Variants in CNTNAP5 observed in about 807,000 individuals in gnomAD.
CNTNAP5 encodes the protein contactin-associated protein-like 5.
In CNTNAP5, 72 loss-of-function variants were observed where a neutral mutation model predicts 150.2. That is an observed-to-expected ratio of 0.48 (90% confidence interval 0.40 to 0.58). The LOEUF (loss-of-function observed/expected upper bound fraction) is 0.58, where lower values mean the gene tolerates loss of function less well. Ranked by LOEUF, CNTNAP5 falls within the 20% of genes least tolerant of loss-of-function variation. The pLI is 0.00. For missense variants in CNTNAP5, 1,636 were observed against 1,626.2 expected, an observed-to-expected ratio of 1.01 and a Z score of -0.10; for synonymous variants, 672 against 619.8, an observed-to-expected ratio of 1.08 and a Z score of -1.25.
At chr2:124,255,574 TAA>T (rs1558821598) in intron 3 of CNTNAP5, among the ~76,000 whole-genome samples, 124 of 47,440 alleles carry the variant, frequency 2.6e-3, no homozygotes, top group African/African-American at 4.7e-3. Context: ...TAAAATAAAA[TAA>T]AATAAAATAA....
intron 11 of CNTNAP5, among the ~76,000 whole-genome samples, chr2:124,575,853 A>T (rs1039940421): frequency 8.5e-5 from 13 of 152,224 alleles, no homozygotes; most frequent in Non-Finnish European, 4.4e-5. Context: ...CTTGAAATAT[A>T]CTTATATCCA....
intron 1 of CNTNAP5, among the ~76,000 whole-genome samples, chr2:124,140,149 A>G (rs1210270929): frequency 1.2e-4 from 18 of 151,168 alleles, no homozygotes; most frequent in South Asian, 1.1e-3. Flanking sequence ...CACCCACGGA[A>G]TCTCGCTGAT....
intron 12 of CNTNAP5, among the ~76,000 whole-genome samples, chr2:124,634,928 T>C (rs920831183): frequency 6.6e-6 from 1 of 152,274 alleles, no homozygotes; most frequent in East Asian, 1.9e-4. Flanking sequence ...TGCACCTTCC[T>C]GTAGTCTTCT....
At chr2:124,372,846 C>G (rs1412127824) in intron 3 of CNTNAP5, among the ~76,000 whole-genome samples, 1 of 152,096 alleles carries the variant, frequency 6.6e-6, no homozygotes, top group Non-Finnish European at 1.5e-5. Flanking sequence ...GGACGAAGCA[C>G]TAACTATGTG....
intron 11 of CNTNAP5, among the ~76,000 whole-genome samples, chr2:124,605,678 C>T (rs945163253): frequency 1.3e-5 from 2 of 150,934 alleles, no homozygotes; most frequent in East Asian, 2.0e-4. Flanking sequence ...TAGCCAGATG[C>T]GGTGGTGTGT....
At chr2:124,885,289 A>C (rs1558813251) in intron 21 of CNTNAP5, among the ~76,000 whole-genome samples, 1 of 151,940 alleles carries the variant, frequency 6.6e-6, no homozygotes, top group South Asian at 2.1e-4. Context: ...CCCTTACTTA[A>C]AGTCAACTGA....
At chr2:124,858,798 A>G (rs1677441800) in intron 19 of CNTNAP5, among the ~76,000 whole-genome samples, 1 of 152,236 alleles carries the variant, frequency 6.6e-6, no homozygotes, top group Non-Finnish European at 1.5e-5. Context: ...GCAAAGTAAG[A>G]GCAAATCAAA....
In CNTNAP5 at chr2:124,185,962, C is replaced by T. The variant is rs1024061622; in HGVS notation, c.83-35743C>T. ...TGTTTACTTGTTAGCATAGGACATA[C>T]GTGTATACTCCTATAAATAAGATAA... On this transcript the variant is annotated intron_variant, in intron 1 of 23. Transcript: ENST00000682447. Among the ~76,000 whole-genome samples, 6 of 152,180 alleles carry T rather than the reference C, an allele frequency of 3.9e-5. No individual in the cohort carries two copies. The East Asian group carries it at 9.6e-4, about 24-fold the overall frequency.
At chr2:124,405,358 A>G (rs923853527) in intron 3 of CNTNAP5, among the ~76,000 whole-genome samples, 16 of 152,306 alleles carry the variant, frequency 1.1e-4, no homozygotes, top group Middle Eastern at 3.4e-3. Flanking sequence ...ATACATGCAA[A>G]GAGCCTAGCA....
chr2:124,613,506 T>C (rs1677431033), intron 12 of CNTNAP5, among the ~76,000 whole-genome samples: 1 of 152,192 alleles, frequency 6.6e-6, no homozygotes, highest in Non-Finnish European at 1.5e-5. Flanking sequence ...TCTGAGCTTT[T>C]CTTTGAGGTT....
chr2:124,656,450 T>C (rs184090624), intron 13 of CNTNAP5, among the ~76,000 whole-genome samples: 4 of 152,344 alleles, frequency 2.6e-5, no homozygotes, highest in African/African-American at 9.6e-5. Context: ...ATCAAGCCAG[T>C]GCAATTTACA....
chr2:124,746,537 T>A (rs1325628872), intron 13 of CNTNAP5, among the ~76,000 whole-genome samples: 2 of 152,158 alleles, frequency 1.3e-5, no homozygotes. Context: ...AGCTTAGAAC[T>A]AATGATGTCT....
At chr2:124,373,811 T>A (rs1690584939) in intron 3 of CNTNAP5, among the ~76,000 whole-genome samples, 1 of 152,036 alleles carries the variant, frequency 6.6e-6, no homozygotes, top group Admixed American at 6.6e-5. Context: ...GGATACAATA[T>A]TTGAAGAAAA....
At chr2:124,845,035 T>G (rs187723898) in intron 19 of CNTNAP5, among the ~76,000 whole-genome samples, 4 of 152,100 alleles carry the variant, frequency 2.6e-5, no homozygotes, top group African/African-American at 9.6e-5. Context: ...GTGGTAAAAG[T>G]GGGCATCCTT....
intron 21 of CNTNAP5, among the ~76,000 whole-genome samples, chr2:124,876,394 AG>A (rs1179051387): frequency 6.6e-6 from 1 of 151,436 alleles, no homozygotes; most frequent in African/African-American, 2.4e-5. Flanking sequence ...CCAGAGAAAG[AG>A]AAAGATCAAC....
At chr2:124,533,037 C>T (rs1695146124) in intron 10 of CNTNAP5, among the ~76,000 whole-genome samples, 2 of 151,382 alleles carry the variant, frequency 1.3e-5, no homozygotes, top group Admixed American at 6.6e-5. Flanking sequence ...TCACATTTGT[C>T]CCCCCTCCCA....
intron 13 of CNTNAP5, among the ~76,000 whole-genome samples, chr2:124,713,622 C>T (rs893520086): frequency 6.6e-5 from 10 of 151,860 alleles, no homozygotes; most frequent in South Asian, 6.2e-4. Flanking sequence ...GTGATCCACC[C>T]GCATTGGTTT....
At position 124,675,155 on chromosome 2, in the gene CNTNAP5, C is replaced by T. The variant is rs188919112; in HGVS notation, c.2077+27197C>T. ...TGTTAGTCGTATAAATGTTTATAAT[C>T]GTTTTATTTTCCTGATGATTTTCTC... On this transcript the variant is annotated intron_variant, in intron 13 of 23. Coordinates refer to ENST00000682447, the MANE Select transcript of CNTNAP5 (RefSeq NM_001367498.1). 2.0e-4 allele frequency among the ~76,000 whole-genome samples: 30 copies of T among 152,046 alleles called. No individual in the cohort carries two copies. The East Asian group carries it at 3.7e-3, about 19-fold the overall frequency.
intron 1 of CNTNAP5, among the ~76,000 whole-genome samples, chr2:124,049,919 G>A (rs1469398743): frequency 6.6e-6 from 1 of 152,102 alleles, no homozygotes; most frequent in East Asian, 1.9e-4. Context: ...CATGGTGGAG[G>A]GAGCGAGAAA....
Sources: allele counts gnomAD v4.1 joint callset (sites outside exome capture counted in the v4.1 genomes callset), GRCh38; gene constraint gnomAD v4.1.1; transcripts MANE v1.5; gene names NCBI Gene and HGNC (gene_info 2026-07-23, HGNC 2026-07-21).